Variants in HPS5 observed in about 807,000 individuals in gnomAD.
The protein encoded by HPS5 is HPS5 biogenesis of lysosomal organelles complex 2 subunit 2.
HPS5 carries 83 observed loss-of-function variants against 128.0 expected under a neutral mutation model. The observed-to-expected ratio is 0.65, with a 90% CI of 0.54 to 0.78. The LOEUF is 0.78. Among genes scored for constraint, HPS5 ranks in the 30% least tolerant of loss-of-function variants. The pLI, the probability that HPS5 is intolerant of heterozygous loss-of-function variation, is 0.00. For missense variants in HPS5, 1,281 were observed against 1,326.2 expected, an observed-to-expected ratio of 0.97 and a Z score of 0.53; for synonymous variants, 475 against 470.2, an observed-to-expected ratio of 1.01 and a Z score of -0.13.
chr11:18,308,904 T>TA, intron 6 of HPS5, 42 bp downstream of exon 6: 1 of 1,607,094 alleles, frequency 6.2e-7, no homozygotes, highest in African/African-American at 1.3e-5. Flanking sequence ...CTCCCAGTTC[T>TA]AAAATTCTGC....
At chr11:18,298,422 G>A (rs1861336975) in intron 10 of HPS5, among the ~76,000 whole-genome samples, 1 of 152,138 alleles carries the variant, frequency 6.6e-6, no homozygotes, top group African/African-American at 2.4e-5. Flanking sequence ...TTGAACCCAG[G>A]AGGCAGAGGT....
intron 14 of HPS5, 49 bp from the exon 15 acceptor site, chr11:18,293,025 A>G: frequency 7.1e-7 from 1 of 1,408,950 alleles, no homozygotes; most frequent in Non-Finnish European, 9.7e-7. Context: ...GTTAGAGGGG[A>G]TCAGAGCTTT....
chr11:18,301,328 C>A lies in HPS5; in HGVS notation c.897-412G>T, dbSNP rs555225687. Among the ~76,000 whole-genome samples the A allele has an allele frequency of 4.3e-4, 65 of 151,764 alleles. No individual in the cohort carries two copies. The South Asian group carries it at 0.013, about 30-fold the overall frequency. ...AAAATTAGCCGGGCATGGTGACATG[C>A]GCTTGTAATCCCAGCTACTCGGGAG... On this transcript the variant is annotated intron_variant, in intron 8 of 22. Transcript: ENST00000349215.
intron 12 of HPS5, chr11:18,296,378 C>A: frequency 1.8e-6 from 1 of 544,650 alleles, no homozygotes; most frequent in Non-Finnish European, 3.3e-6. Flanking sequence ...AGTTTAGGAT[C>A]TCTATTATTC....
At chr11:18,294,985 C>T (rs1189153369) in intron 14 of HPS5, 35 bp downstream of exon 14, 1 of 1,612,758 alleles carries the variant, frequency 6.2e-7, no homozygotes, top group Admixed American at 1.7e-5. Context: ...GCTGGATTCC[C>T]TAGAATGTAT....
At chr11:18,290,387 T>C (rs755362204) in intron 16 of HPS5, among the ~76,000 whole-genome samples, 1 of 152,208 alleles carries the variant, frequency 6.6e-6, no homozygotes, top group Non-Finnish European at 1.5e-5. Context: ...TGCTTATCTA[T>C]AAAATGGAAT....
At chr11:18,286,554 TAAA>T (rs1564930880) in intron 19 of HPS5, 34 bp downstream of exon 19, 1 of 1,582,574 alleles carries the variant, frequency 6.3e-7, no homozygotes. Flanking sequence ...AAAAAAAAAG[TAAA>T]GAAAAAAACA....
At chr11:18,301,316 C>T (rs567283257) in intron 8 of HPS5, among the ~76,000 whole-genome samples, 125 of 151,876 alleles carry the variant, frequency 8.2e-4, no homozygotes, top group African/African-American at 2.9e-3. Flanking sequence ...ATTAGCCGGG[C>T]ATGGTGACAT....
At chr11:18,292,209 CTTTT>C (rs5790031) in intron 15 of HPS5, among the ~76,000 whole-genome samples, 190 bp from the exon 16 acceptor site, 17 of 135,746 alleles carry the variant, frequency 1.3e-4, no homozygotes, top group East Asian at 2.2e-4. Context: ...TAGTGTTTTA[CTTTT>C]TTTTTTTTTT....
At chr11:18,290,859 C>A (rs1290415135) in intron 16 of HPS5, among the ~76,000 whole-genome samples, 3 of 152,064 alleles carry the variant, frequency 2.0e-5, no homozygotes, top group Admixed American at 1.3e-4. Context: ...GGGATCAAGG[C>A]TACAGTGAGC....
chr11:18,306,050 AAC>A (rs2134430556), intron 7 of HPS5, 83 bp downstream of exon 7: 1 of 1,030,838 alleles, frequency 9.7e-7, no homozygotes, highest in Admixed American at 1.7e-5. Flanking sequence ...TAAAATCTTT[AAC>A]ACAGATAGAA....
chr11:18,305,304 C>A (rs1862217573), intron 8 of HPS5, 118 bp downstream of exon 8: 1 of 693,404 alleles, frequency 1.4e-6, no homozygotes. Flanking sequence ...TATTTCCTAA[C>A]TTTCTATAAG....
chr11:18,311,355 A>G (rs1220283974), intron 4 of HPS5, 32 bp downstream of exon 4: 17 of 1,456,330 alleles, frequency 1.2e-5, no homozygotes, highest in Non-Finnish European at 1.6e-5. Flanking sequence ...TGCATTTGAA[A>G]AAGGACAGAT....
At chr11:18,287,433 C>T in intron 18 of HPS5, 102 bp downstream of exon 18, 1 of 1,311,816 alleles carries the variant, frequency 7.6e-7, no homozygotes, top group Non-Finnish European at 1.1e-6. Context: ...TGTGCCTCAA[C>T]CCCTTGGTAA....
At chr11:18,287,728 A>C in intron 17 of HPS5, 38 bp from the exon 18 acceptor site, 2 of 1,611,148 alleles carry the variant, frequency 1.2e-6, no homozygotes, top group South Asian at 2.2e-5. Flanking sequence ...CTCTAATTTC[A>C]GTGAAATTAT....
At chr11:18,289,557 A>G (rs1208064833) in intron 16 of HPS5, among the ~76,000 whole-genome samples, 1 of 151,904 alleles carries the variant, frequency 6.6e-6, no homozygotes, top group African/African-American at 2.4e-5. Flanking sequence ...ATTTCACACA[A>G]AAGACAATCT....
intron 22 of HPS5, chr11:18,280,789 A>T: frequency 2.1e-6 from 1 of 471,630 alleles, no homozygotes; most frequent in African/African-American, 2.0e-5. Flanking sequence ...GGCTGGTCAC[A>T]AAACGACAAA....
chr11:18,282,128 C>G lies in HPS5; in HGVS notation c.3151G>C (p.Gly1051Arg), dbSNP rs1462294020. ...GGGGAAGGCCCATCACTGAGGCTCC[C>G]ATTTAGTGACTCCTGGGGGGCTGGC... ...TRPAPQESLN[G>R]SLSDGPSPIN... The change falls in exon 22 of 23, where the codon GGG becomes CGG. Residue 1051 changes from glycine to arginine, a missense_variant. Physicochemically the swap from Gly to Arg is moderately radical, Grantham distance 125 (BLOSUM62 -2). Coordinates refer to ENST00000349215, the MANE Select transcript of HPS5 (RefSeq NM_181507.2). The G allele has an allele frequency of 5.6e-6, 9 of 1,614,170 alleles. No individual in the cohort carries two copies. In the East Asian group the frequency reaches 2.0e-4, roughly 36 times the overall value.
intron 1 of HPS5, among the ~76,000 whole-genome samples, chr11:18,318,414 G>A (rs1312804885): frequency 6.6e-6 from 1 of 152,094 alleles, no homozygotes; most frequent in Non-Finnish European, 1.5e-5. Flanking sequence ...ACCGAGCAGG[G>A]GCTTAGTAAG....
Sources: allele counts gnomAD v4.1 joint callset (sites outside exome capture counted in the v4.1 genomes callset), GRCh38; gene constraint gnomAD v4.1.1; transcripts MANE v1.5; gene names NCBI Gene and HGNC (gene_info 2026-07-23, HGNC 2026-07-21).